The following MARCHF11 variants were observed in gnomAD, a reference collection of about 807,000 sequenced individuals.
The protein encoded by MARCHF11 is E3 ubiquitin-protein ligase MARCHF11.
In MARCHF11, 29 loss-of-function variants were observed where a neutral mutation model predicts 37.3. That is an observed-to-expected ratio of 0.78 (90% confidence interval 0.58 to 1.06). The LOEUF (loss-of-function observed/expected upper bound fraction) is 1.06, where lower values mean the gene tolerates loss of function less well. MARCHF11 is among the 50% of genes least tolerant of loss of function. The pLI, the probability that MARCHF11 is intolerant of heterozygous loss-of-function variation, is 0.00. For missense variants in MARCHF11, 482 were observed against 533.4 expected (o/e 0.90, Z 0.95); for synonymous variants, 233 against 228.0 (o/e 1.02, Z -0.20).
chr5:16,148,249 A>C, intron 2 of MARCHF11, among the ~76,000 whole-genome samples: 1 of 152,240 alleles, frequency 6.6e-6, no homozygotes, highest in Middle Eastern at 3.4e-3. Flanking sequence ...TGGTAGGATT[A>C]AATTTATGAA....
intron 2 of MARCHF11, among the ~76,000 whole-genome samples, chr5:16,122,387 C>T (rs983125017): frequency 6.6e-6 from 1 of 152,152 alleles, no homozygotes; most frequent in Non-Finnish European, 1.5e-5. Flanking sequence ...CCAGTATCCT[C>T]CTTTGGTCAG....
At chr5:16,075,716 A>G (rs1450277743) in intron 3 of MARCHF11, among the ~76,000 whole-genome samples, 1 of 152,190 alleles carries the variant, frequency 6.6e-6, no homozygotes, top group Non-Finnish European at 1.5e-5. Context: ...TTGAAAGGTT[A>G]AAGTAATATT....
intron 2 of MARCHF11, among the ~76,000 whole-genome samples, chr5:16,160,329 A>ATTTAATATATAAATTATATATTAAAT (rs1401607834): frequency 7.4e-4 from 2 of 2,704 alleles, no homozygotes; most frequent in Non-Finnish European, 0.019. Context: ...AACATTTAAT[A>ATTTAATATATAAATTATATATTAAAT]ATTTAATATA....
intron 2 of MARCHF11, among the ~76,000 whole-genome samples, chr5:16,092,713 T>C (rs141656413): frequency 3.2e-4 from 48 of 152,286 alleles, no homozygotes; most frequent in African/African-American, 1.1e-3. Context: ...CTGCACGTTG[T>C]GCATCTGTAT....
chr5:16,178,710 A>C (rs1185321446), intron 1 of MARCHF11, among the ~76,000 whole-genome samples: 1 of 152,234 alleles, frequency 6.6e-6, no homozygotes, highest in Admixed American at 6.5e-5. Flanking sequence ...TTTGCTTCTA[A>C]GCATAAACCA....
chr5:16,179,061 A>G lies in MARCHF11; in HGVS notation c.515T>C (p.Ile172Thr). ...QHQHHQPICKICFQGAEQGEL... is the reference protein window; with the variant it reads ...QHQHHQPICKTCFQGAEQGEL... ...TACCTGCTCCGCGCCCTGGAAGCAG[A>G]TCTTGCAGATGGGCTGGTGGTGCTG... Residue 172 changes from isoleucine (I) to threonine (T), a missense_variant, in exon 1 of 4, where the codon ATC becomes ACC. Physicochemically the swap from Ile to Thr is moderately conservative, Grantham distance 89. Coordinates refer to ENST00000332432, the MANE Select transcript of MARCHF11 (RefSeq NM_001102562.3). The G allele has an allele frequency of 6.7e-7, 1 of 1,488,480 alleles. No individual in the cohort carries two copies. Among genetic ancestry groups the G allele is most frequent in the Admixed American group, 2.2e-5 (1 of 45,252 alleles). 92.2% of individuals were successfully genotyped at this position (1,488,480 alleles called of 1,614,324 possible).
At chr5:16,095,104 G>A (rs1218079909) in intron 2 of MARCHF11, among the ~76,000 whole-genome samples, 2 of 152,098 alleles carry the variant, frequency 1.3e-5, no homozygotes, top group Non-Finnish European at 2.9e-5. Context: ...ATTCCACCAA[G>A]AGCTTTGGTA....
chr5:16,089,145 A>G (rs1579680186), intron 3 of MARCHF11, among the ~76,000 whole-genome samples: 1 of 150,402 alleles, frequency 6.6e-6, no homozygotes, highest in African/African-American at 2.4e-5. Context: ...GGTCTTTTTG[A>G]GTGTTTATAC....
chr5:16,128,509 G>C (rs1737458106), intron 2 of MARCHF11, among the ~76,000 whole-genome samples: 2 of 152,142 alleles, frequency 1.3e-5, no homozygotes, highest in South Asian at 2.1e-4. Context: ...GAAATAGATG[G>C]GGAAGGGTTT....
chr5:16,129,352 GTGTT>G (rs1737474768), intron 2 of MARCHF11: 1 of 152,238 alleles, frequency 6.6e-6, no homozygotes, highest in Non-Finnish European at 1.5e-5. Flanking sequence ...ATGATTAGCA[GTGTT>G]TGTTTGGTTA....
intron 3 of MARCHF11, among the ~76,000 whole-genome samples, chr5:16,081,622 T>C (rs1395015266): frequency 2.0e-5 from 3 of 152,174 alleles, no homozygotes; most frequent in East Asian, 3.9e-4. Context: ...ACGCAATGAA[T>C]ATTGGCTCGA....
At chr5:16,109,658 G>T (rs1207035491) in intron 2 of MARCHF11, among the ~76,000 whole-genome samples, 1 of 151,928 alleles carries the variant, frequency 6.6e-6, no homozygotes, top group Non-Finnish European at 1.5e-5. Context: ...AAGGCAGGTG[G>T]GGGGAGGCAT....
At chr5:16,103,586 C>T (rs1322193582) in intron 2 of MARCHF11, among the ~76,000 whole-genome samples, 1 of 152,204 alleles carries the variant, frequency 6.6e-6, no homozygotes, top group African/African-American at 2.4e-5. Flanking sequence ...TAAAATAATA[C>T]ATCCTGTCCA....
At chr5:16,153,387 C>G (rs924534275) in intron 2 of MARCHF11, among the ~76,000 whole-genome samples, 1 of 151,928 alleles carries the variant, frequency 6.6e-6, no homozygotes, top group African/African-American at 2.4e-5. Flanking sequence ...GGGCTTATAT[C>G]TAGTAACTTC....
chr5:16,097,675 A>G (rs1736894683), intron 2 of MARCHF11, among the ~76,000 whole-genome samples: 1 of 152,226 alleles, frequency 6.6e-6, no homozygotes. Context: ...AATTCTACAT[A>G]GAAACGGAAG....
rs148289706 is a variant in MARCHF11 at position 16,152,861 on chromosome 5, C to T, written c.693+24865G>A. 5.4e-3 allele frequency among the ~76,000 whole-genome samples: 815 copies of T among 152,092 alleles called. 8 individuals are homozygous for T. The highest frequency in any genetic ancestry group is 9.3e-3 in the Non-Finnish European group (633 of 67,952). Reference sequence around the variant, plus strand: ...TTAAGCACCAATAATGTCATCTGGACTACATAGAGTATAAATTATGTTAAT... The same window carrying T: ...TTAAGCACCAATAATGTCATCTGGATTACATAGAGTATAAATTATGTTAAT... On this transcript the variant is annotated intron_variant, in intron 2 of 3. Transcript: ENST00000332432.
At chr5:16,148,566 C>T (rs902290198) in intron 2 of MARCHF11, among the ~76,000 whole-genome samples, 4 of 152,176 alleles carry the variant, frequency 2.6e-5, no homozygotes, top group Admixed American at 1.3e-4. Flanking sequence ...TGTCCCCACC[C>T]GACCTATGGA....
Position 16,101,581 on chromosome 5 carries a change from G to A in MARCHF11, c.694-10500C>T, listed in dbSNP as rs369746096. On this transcript the variant is annotated intron_variant, in intron 2 of 3. Transcript: ENST00000332432. ...TTAAAAGTGTGTGTCTGCATGTGAT[G>A]CATTTTTATTTCATTACTCCTCTCA... is the stretch of plus-strand genomic sequence containing the variant. 4.7e-4 allele frequency among the ~76,000 whole-genome samples: 72 copies of A among 152,254 alleles called. 4 individuals carry two copies. The South Asian group carries it at 0.015, about 31-fold the overall frequency.
chr5:16,102,517 TGAATGTCTAGA>T (rs796792540), intron 2 of MARCHF11, among the ~76,000 whole-genome samples: 36 of 152,262 alleles, frequency 2.4e-4, no homozygotes, highest in African/African-American at 8.4e-4. Context: ...GAGAAGTGTC[TGAATGTCTAGA>T]GAAGCAGCAA....
Sources: allele counts gnomAD v4.1 joint callset (sites outside exome capture counted in the v4.1 genomes callset), GRCh38; gene constraint gnomAD v4.1.1; transcripts MANE v1.5; gene names NCBI Gene and HGNC (gene_info 2026-07-23, HGNC 2026-07-21).